Variants in CLEC2D observed in about 807,000 individuals in gnomAD.
The protein encoded by CLEC2D is C-type lectin domain family 2 member D.
In CLEC2D, 16 loss-of-function variants were observed where a neutral mutation model predicts 20.0. The ratio of observed to expected loss-of-function variants is 0.80; its 90% confidence interval spans 0.54 to 1.22. CLEC2D has a LOEUF of 1.22. CLEC2D is among the 50% of genes most tolerant of loss of function. The pLI is 0.00. For synonymous variants in CLEC2D, 77 were observed against 71.1 expected (o/e 1.08, Z -0.42); for missense variants, 207 against 221.5 (o/e 0.93, Z 0.42).
chr12:9,693,734 T>C, intron 4 of CLEC2D: 1 of 403,778 alleles, frequency 2.5e-6, no homozygotes, highest in Non-Finnish European at 4.9e-6. Context: ...ATATCTAGAA[T>C]TAACTTTTAT....
chr12:9,688,868 A>G (rs749731084), intron 3 of CLEC2D, among the ~76,000 whole-genome samples: 1 of 152,338 alleles, frequency 6.6e-6, no homozygotes, highest in African/African-American at 2.4e-5. Flanking sequence ...TCTCGAGTCT[A>G]GTTAAACACT....
intron 2 of CLEC2D, among the ~76,000 whole-genome samples, chr12:9,682,573 G>A (rs11052389): frequency 0.023 from 3,456 of 152,226 alleles, 142 homozygotes; most frequent in African/African-American, 0.079. Flanking sequence ...CTGCATCCAT[G>A]TGTTCTCATT....
Position 9,694,975 on chromosome 12 carries a change from T to A in CLEC2D, c.*101T>A. 3.0e-6 allele frequency: 2 copies of A among 663,494 alleles called. No individual in the cohort carries two copies. The highest frequency in any genetic ancestry group is 5.4e-6 in the Non-Finnish European group (2 of 368,220). The allele number at this position is 663,494 out of a possible 1,614,324, so 41.1% of individuals were successfully genotyped here. A position where few individuals can be genotyped will look rare whatever the true frequency, so the allele number is the denominator to read the frequency against. ...TTTATTTCTTATACCAACAGGTATA[T>A]GAAAATATGCTCAATATCACTAATA... On this transcript the variant is annotated 3_prime_UTR_variant, in exon 5 of 5. Coordinates refer to ENST00000290855, the MANE Select transcript of CLEC2D (RefSeq NM_013269.6).
Position 9,695,397 on chromosome 12 carries a change from T to C in CLEC2D, c.*523T>C. 2.0e-6 allele frequency: 3 copies of C among 1,475,772 alleles called. No individual in the cohort carries two copies. Among genetic ancestry groups the C allele is most frequent in the Non-Finnish European group, 2.8e-6 (3 of 1,071,178 alleles). The allele number at this position is 1,475,772 out of a possible 1,614,324, so 91.4% of individuals were successfully genotyped here. ...TGTCGCCACCCGATGGAAGATTCGA[T>C]GGACATGGACATGAGCCCCCTGAGG... On this transcript the variant is annotated 3_prime_UTR_variant, in exon 5 of 5. Transcript: ENST00000290855.
At chr12:9,670,692 T>C (rs1411750188) in intron 1 of CLEC2D, among the ~76,000 whole-genome samples, 3 of 152,264 alleles carry the variant, frequency 2.0e-5, no homozygotes, top group Non-Finnish European at 2.9e-5. Flanking sequence ...CTGGATCTTA[T>C]TTAAATTTTG....
At chr12:9,684,276 G>C (rs1012293793) in intron 2 of CLEC2D, among the ~76,000 whole-genome samples, 2 of 152,140 alleles carry the variant, frequency 1.3e-5, no homozygotes, top group Non-Finnish European at 2.9e-5. Context: ...AGTTTTAAGG[G>C]GATGAGACAA....
chr12:9,677,784 A>G (rs1865554961), intron 1 of CLEC2D, among the ~76,000 whole-genome samples: 1 of 148,084 alleles, frequency 6.8e-6, no homozygotes, highest in Admixed American at 6.8e-5. Context: ...GAGTGCAGTA[A>G]TGCAATCTCA....
rs897581484 is a variant in CLEC2D at position 9,697,971 on chromosome 12, G to A, written c.*3097G>A. On this transcript the variant is annotated 3_prime_UTR_variant, in exon 5 of 5. Coordinates refer to ENST00000290855, the MANE Select transcript of CLEC2D (RefSeq NM_013269.6). The stretch of plus-strand genomic sequence containing the variant: ...TGTGAGATGAAGCTTATGTTAATTA[G>A]ATTAAGTGTATGTACATAAAAACAT... The A allele has an allele frequency of 1.3e-5, 2 of 152,178 alleles. No individual in the cohort carries two copies. Among genetic ancestry groups the A allele is most frequent in the African/African-American group, 4.8e-5 (2 of 41,440 alleles). 9.4% of individuals were successfully genotyped at this position (152,178 alleles called of 1,614,324 possible). A position where few individuals can be genotyped will look rare whatever the true frequency, so the allele number is the denominator to read the frequency against.
Position 9,688,027 on chromosome 12 carries a change from C to T in CLEC2D, c.298C>T (p.Gln100Ter). Residue 100 changes from glutamine to a stop codon, truncating the protein, a stop_gained, in exon 3 of 5, where the codon CAG becomes TAG. Coordinates refer to ENST00000290855, the MANE Select transcript of CLEC2D (RefSeq NM_013269.6). LOFTEE classifies it high-confidence loss of function. ...SDDTKNWTSSQRFCDSQDADL... is the reference protein window; with the variant it reads ...SDDTKNWTSS Reference sequence around the variant, plus strand: ...TGACACCAAGAACTGGACATCAAGTCAGAGGTTTTGTGACTCACAAGATGC... The same window carrying T: ...TGACACCAAGAACTGGACATCAAGTTAGAGGTTTTGTGACTCACAAGATGC... 1 of 1,612,612 alleles carries T rather than the reference C, an allele frequency of 6.2e-7. No homozygotes were observed. The highest frequency in any genetic ancestry group is 8.5e-7 in the Non-Finnish European group (1 of 1,179,304).
chr12:9,691,683 A>G (rs768752205), intron 3 of CLEC2D, among the ~76,000 whole-genome samples: 8 of 152,318 alleles, frequency 5.3e-5, no homozygotes, highest in Non-Finnish European at 1.0e-4. Flanking sequence ...ATCACAAGGG[A>G]CATTAGAAAA....
chr12:9,695,312 G>A lies in CLEC2D; in HGVS notation c.*438G>A, dbSNP rs765273577. 2.2e-5 allele frequency: 18 copies of A among 801,480 alleles called. No individual in the cohort carries two copies. Among genetic ancestry groups the A allele is most frequent in the Non-Finnish European group, 3.5e-5 (16 of 462,034 alleles). The allele number at this position is 801,480 out of a possible 1,614,324, so 49.6% of individuals were successfully genotyped here. A position where few individuals can be genotyped will look rare whatever the true frequency, so the allele number is the denominator to read the frequency against. ...TCCCTGGTGTGATTCCGTCCTGCGC[G>A]GCTGTTCTCTGGAGCAGCATTCATT... is the stretch of plus-strand genomic sequence containing the variant. On this transcript the variant is annotated 3_prime_UTR_variant, in exon 5 of 5. Coordinates refer to ENST00000290855, the MANE Select transcript of CLEC2D (RefSeq NM_013269.6).
At chr12:9,690,197 G>C (rs74469545) in intron 3 of CLEC2D, among the ~76,000 whole-genome samples, 6,276 of 152,006 alleles carry the variant, frequency 0.041, 447 homozygotes, top group African/African-American at 0.14. Flanking sequence ...AGAAGGTAGT[G>C]GAATGGCATA....
At position 9,680,958 on chromosome 12, in the gene CLEC2D, A is replaced by G. The variant is rs746072868; in HGVS notation, c.97A>G (p.Thr33Ala). 1.9e-6 allele frequency: 3 copies of G among 1,601,918 alleles called. No individual in the cohort carries two copies. The highest frequency in any genetic ancestry group is 2.2e-5 in the South Asian group (2 of 90,764). ...LHSKEHSIKA[T>A]LIWRLFFLIM... ...TTCAAAAGAGCATTCTATTAAAGCT[A>G]CCTTAATTTGGCGCTTATTTTTCTT... Residue 33 changes from threonine to alanine, a missense_variant, in exon 2 of 5, where the codon ACC becomes GCC. Physicochemically the swap from Thr to Ala is moderately conservative, Grantham distance 58. Transcript: ENST00000290855.
intron 3 of CLEC2D, among the ~76,000 whole-genome samples, chr12:9,689,692 A>T (rs1865823830): frequency 6.6e-6 from 1 of 152,140 alleles, no homozygotes; most frequent in Non-Finnish European, 1.5e-5. Flanking sequence ...AAAATTCCAG[A>T]GCTGAAAAGT....
intron 2 of CLEC2D, among the ~76,000 whole-genome samples, chr12:9,684,988 G>T (rs969589737): frequency 6.6e-6 from 1 of 152,110 alleles, no homozygotes; most frequent in African/African-American, 2.4e-5. Context: ...GGTAGAATTC[G>T]GCAGTGCATT....
intron 3 of CLEC2D, 104 bp downstream of exon 3, chr12:9,688,190 AT>A (rs71045286): frequency 0.13 from 99,641 of 770,408 alleles, 15 homozygotes; most frequent in East Asian, 0.15. Flanking sequence ...TTTTACATTG[AT>A]TTTTTTTTTT....
chr12:9,680,909 A>T lies in CLEC2D; in HGVS notation c.62-14A>T. On this transcript the variant is annotated splice_polypyrimidine_tract_variant and intron_variant, in intron 1 of 4. Transcript: ENST00000290855. The stretch of plus-strand genomic sequence containing the variant: ...TATTTAATTGTTAAAATGTTTTTCA[A>T]TAATTTTTTCCAGGTTGTCTGCATT... The T allele has an allele frequency of 7.7e-7, 1 of 1,301,458 alleles. No homozygotes were observed. Among genetic ancestry groups the T allele is most frequent in the Non-Finnish European group, 1.1e-6 (1 of 900,906 alleles). The allele number at this position is 1,301,458 out of a possible 1,614,324, so 80.6% of individuals were successfully genotyped here.
chr12:9,691,094 C>T (rs1865852449), intron 3 of CLEC2D, among the ~76,000 whole-genome samples: 2 of 152,022 alleles, frequency 1.3e-5, no homozygotes, highest in Non-Finnish European at 2.9e-5. Flanking sequence ...TCCATACAAA[C>T]AGTAGTAACC....
intron 3 of CLEC2D, chr12:9,688,291 G>T: frequency 9.7e-7 from 1 of 1,035,778 alleles, no homozygotes; most frequent in South Asian, 4.1e-5. Flanking sequence ...TTCGTGGCAG[G>T]AACAGGCCCA....
Sources: gnomAD v4.1 joint callset for allele counts (sites outside exome capture counted in the v4.1 genomes callset) on GRCh38, gnomAD v4.1.1 for gene constraint, MANE v1.5 for transcripts, NCBI Gene and HGNC (gene_info 2026-07-23, HGNC 2026-07-21) for gene names.